Variants in EPAS1 observed in about 807,000 individuals in gnomAD.
The protein encoded by EPAS1 is endothelial PAS domain-containing protein 1.
In EPAS1, 23 loss-of-function variants were observed where a neutral mutation model predicts 87.9. The observed-to-expected ratio is 0.26, with a 90% confidence interval of 0.19 to 0.37. The LOEUF (loss-of-function observed/expected upper bound fraction) is 0.37. Ranked by LOEUF, EPAS1 falls within the 10% of genes least tolerant of loss-of-function variation. EPAS1 has a pLI of 1.00. For missense variants in EPAS1, 1,138 were observed against 1,120.7 expected (o/e 1.02, Z -0.22); for synonymous variants, 508 against 444.3 (o/e 1.14, Z -1.80).
chr2:46,362,983 G>GGTA (rs1254240893), intron 6 of EPAS1, among the ~76,000 whole-genome samples: 5 of 91,844 alleles, frequency 5.4e-5, no homozygotes, highest in African/African-American at 2.2e-4. Context: ...TGGTAGTGGT[G>GGTA]GTGGTGGTGG....
intron 10 of EPAS1, 45 bp from the exon 11 acceptor site, chr2:46,378,612 C>T (rs1314114206): frequency 2.0e-6 from 3 of 1,531,472 alleles, no homozygotes; most frequent in Admixed American, 1.7e-5. Flanking sequence ...CTGGGGAGAC[C>T]AGTGCCATAT....
intron 1 of EPAS1, among the ~76,000 whole-genome samples, chr2:46,299,402 G>A (rs774322152): frequency 9.2e-5 from 14 of 152,210 alleles, no homozygotes; most frequent in Non-Finnish European, 1.9e-4. Context: ...CCCTGAGACT[G>A]CAGCCGGCAC....
rs1411735068 is a variant in EPAS1 at position 46,379,883 on chromosome 2, C to T, written c.1555-344C>T. 13 of 412,688 alleles carry T rather than the reference C, an allele frequency of 3.2e-5. No individual in the cohort carries two copies. In the East Asian group the frequency reaches 6.5e-4, roughly 21 times the overall value. The allele number at this position is 412,688 out of a possible 1,614,324, so 25.6% of individuals were successfully genotyped here. A position where few individuals can be genotyped will look rare whatever the true frequency, so the allele number is the denominator to read the frequency against. On this transcript the variant is annotated intron_variant, in intron 11 of 15. Transcript: ENST00000263734. ...CATTGTAGGACAAGGATAACCACCA[C>T]AGGCTGGAGTAGGCAGGGCTGACTC...
At position 46,352,734 on chromosome 2, in the gene EPAS1, C is replaced by T. The variant is rs188910338; in HGVS notation, c.218-3417C>T. Among the ~76,000 whole-genome samples, 1,462 of 152,306 alleles carry T rather than the reference C, an allele frequency of 9.6e-3. 8 individuals are homozygous for T. The highest frequency in any genetic ancestry group is 0.016 in the Non-Finnish European group (1,097 of 68,022). ...GTTCCACAGAGGGAAGAGACCCTGT[C>T]CCGGCCCTGCCGTCACAGGGTCCCT... On this transcript the variant is annotated intron_variant, in intron 2 of 15. Transcript: ENST00000263734.
chr2:46,369,365 C>T lies in EPAS1; in HGVS notation c.780-462C>T, dbSNP rs149891903. ...AATTTTCATGTTTCATTTATACTGC[C>T]TTCTACTAGAATGAGCTTGATGTAG... On this transcript the variant is annotated intron_variant, in intron 6 of 15. Coordinates refer to ENST00000263734, the MANE Select transcript of EPAS1 (RefSeq NM_001430.5). Among the ~76,000 whole-genome samples, 472 of 152,284 alleles carry T rather than the reference C, an allele frequency of 3.1e-3. 4 individuals are homozygous for T. Among genetic ancestry groups the T allele is most frequent in the African/African-American group, 0.011 (459 of 41,550 alleles).
chr2:46,334,158 G>A (rs1395605074), intron 1 of EPAS1, among the ~76,000 whole-genome samples: 1 of 152,160 alleles, frequency 6.6e-6, no homozygotes, highest in Non-Finnish European at 1.5e-5. Flanking sequence ...TGTCCAGCAG[G>A]GCCAAAGCAT....
Position 46,380,008 on chromosome 2 carries a change from GA to G in EPAS1, c.1555-218del. The G allele has an allele frequency of 1.4e-6, 1 of 700,496 alleles. No individual in the cohort carries two copies. The highest frequency in any genetic ancestry group is 4.0e-4 in the Middle Eastern group (1 of 2,514). 43.4% of individuals were successfully genotyped at this position (700,496 alleles called of 1,614,324 possible). On this transcript the variant is annotated intron_variant, in intron 11 of 15. Transcript: ENST00000263734. This position sits in a 1 kb window ranked among gnomAD's most constrained non-coding sequence, Gnocchi z 4.4. ...TTCTCAATGTGCAGGGTGAAGAGGG[GA>G]TAAACATGGGGGAAGGCTGGTACAT...
At position 46,361,262 on chromosome 2, in the gene EPAS1, G is replaced by A. The variant is rs111652290; in HGVS notation, c.779+172G>A. ...GCATCAGTGCCCCTCAGAGGTTCCC[G>A]GTACTGTATTTGGTGGTCTCCCATT... On this transcript the variant is annotated intron_variant, in intron 6 of 15. Transcript: ENST00000263734. 3.3e-5 allele frequency among the ~76,000 whole-genome samples: 5 copies of A among 152,270 alleles called. No individual in the cohort carries two copies. In the South Asian group the frequency reaches 6.2e-4, roughly 19 times the overall value.
chr2:46,376,100 A>G (rs1684741115), intron 8 of EPAS1, among the ~76,000 whole-genome samples: 1 of 152,076 alleles, frequency 6.6e-6, no homozygotes, highest in African/African-American at 2.4e-5. Context: ...CCAGGTGGGG[A>G]GGCAGATAGC....
At chr2:46,354,632 G>T (rs1184600351) in intron 2 of EPAS1, among the ~76,000 whole-genome samples, 2 of 151,602 alleles carry the variant, frequency 1.3e-5, no homozygotes, top group African/African-American at 4.9e-5. Flanking sequence ...GCAACCACCT[G>T]TACGGCCTGC....
chr2:46,381,897 A>AGG, intron 13 of EPAS1, 78 bp from the exon 14 acceptor site: 961 of 1,373,992 alleles, frequency 7.0e-4, no homozygotes, highest in Non-Finnish European at 9.0e-4. Flanking sequence ...GCCCTGTTCC[A>AGG]GGCCCACCCA....
At chr2:46,379,034 A>G (rs1246571983) in intron 11 of EPAS1, among the ~76,000 whole-genome samples, 1 of 152,194 alleles carries the variant, frequency 6.6e-6, no homozygotes, top group Admixed American at 6.5e-5. Flanking sequence ...AAATGATACC[A>G]CTGCACCTTT....
At chr2:46,362,977 A>AGTG (rs75642579) in intron 6 of EPAS1, among the ~76,000 whole-genome samples, 27,969 of 103,174 alleles carry the variant, frequency 0.27, 3,506 homozygotes, top group Non-Finnish European at 0.34. Flanking sequence ...TGGTGGTGGT[A>AGTG]GTGGTGGTGG....
chr2:46,336,281 T>C (rs964171320), intron 1 of EPAS1, among the ~76,000 whole-genome samples: 6 of 152,172 alleles, frequency 3.9e-5, no homozygotes, highest in Non-Finnish European at 8.8e-5. Flanking sequence ...TGGAAGATGT[T>C]GTGTCTGTGC....
chr2:46,353,896 G>A (rs945719343), intron 2 of EPAS1, among the ~76,000 whole-genome samples: 9 of 152,210 alleles, frequency 5.9e-5, no homozygotes, highest in South Asian at 2.1e-4. Context: ...GAAAGCCACC[G>A]GGGCATTACT....
In EPAS1 at chr2:46,359,765, C is replaced by G. The variant is rs184274831; in HGVS notation, c.455-873C>G. ...TTGTTCTATGATGCTGGGTAGGGGG[C>G]AGGATTATATCTTTGAAAGTAGGTA... On this transcript the variant is annotated intron_variant, in intron 4 of 15. Transcript: ENST00000263734. Among the ~76,000 whole-genome samples the G allele has an allele frequency of 1.9e-3, 290 of 152,186 alleles. 2 individuals are homozygous for G. Among genetic ancestry groups the G allele is most frequent in the Admixed American group, 5.4e-3 (82 of 15,286 alleles).
intron 1 of EPAS1, among the ~76,000 whole-genome samples, chr2:46,305,520 G>A (rs1441734014): frequency 2.6e-5 from 4 of 152,140 alleles, no homozygotes; most frequent in African/African-American, 9.7e-5. Context: ...TTCCATGCCA[G>A]ATAATGATCC....
chr2:46,340,223 G>A (rs1558593709), intron 1 of EPAS1, among the ~76,000 whole-genome samples: 1 of 152,030 alleles, frequency 6.6e-6, no homozygotes, highest in Non-Finnish European at 1.5e-5. Context: ...CTGGGGCTGA[G>A]AAGGCCAGAA....
At chr2:46,320,202 AATT>A (rs1208591448) in intron 1 of EPAS1, among the ~76,000 whole-genome samples, 4 of 152,180 alleles carry the variant, frequency 2.6e-5, no homozygotes, top group Non-Finnish European at 4.4e-5. Flanking sequence ...GAGAGAAACT[AATT>A]GTTGCCTGCT....
Sources: allele counts gnomAD v4.1 joint callset (sites outside exome capture counted in the v4.1 genomes callset), GRCh38; gene constraint gnomAD v4.1.1; non-coding constraint Gnocchi (gnomAD v3.1); transcripts MANE v1.5; gene names NCBI Gene and HGNC (gene_info 2026-07-23, HGNC 2026-07-21).